ARID2: variants seen among roughly 807,000 people sequenced by gnomAD.
ARID2 encodes the protein AT-rich interactive domain-containing protein 2.
ARID2 carries 32 observed loss-of-function variants against 184.6 expected under a neutral mutation model. That is an observed-to-expected ratio of 0.17 (90% CI 0.13 to 0.23). ARID2 has a LOEUF of 0.23. Ranked by LOEUF, ARID2 falls within the 10% of genes least tolerant of loss-of-function variation. The pLI is 1.00. For missense variants in ARID2, 1,696 were observed against 2,197.6 expected (o/e 0.77, Z 4.56); for synonymous variants, 836 against 772.6 (o/e 1.08, Z -1.36).
intron 3 of ARID2, among the ~76,000 whole-genome samples, chr12:45,751,524 C>T (rs1325283952): frequency 1.3e-5 from 2 of 152,140 alleles, no homozygotes; most frequent in South Asian, 2.1e-4. Flanking sequence ...GTTGCATGCT[C>T]AAGGGTAGAA....
chr12:45,851,184 C>A lies in ARID2; in HGVS notation c.3061C>A (p.Pro1021Thr), dbSNP rs1385086744. Residue 1021 changes from proline (P) to threonine (T), a missense_variant, in exon 15 of 21, where the codon CCC (proline) becomes ACC (threonine). Coordinates refer to ENST00000334344, the MANE Select transcript of ARID2 (RefSeq NM_152641.4). ...GCAACAGCAGCAACATTCACCAGCA[C>A]CCCCACCACAGCAGGTACAAGTACA... ...RQQQQQHSPA[P>T]PPQQVQVQVQ... 2 of 1,614,124 alleles carry A rather than the reference C, an allele frequency of 1.2e-6. No individual in the cohort carries two copies. The highest frequency in any genetic ancestry group is 2.2e-5 in the South Asian group (2 of 91,078).
intron 3 of ARID2, among the ~76,000 whole-genome samples, chr12:45,806,177 A>G (rs192706556): frequency 3.8e-3 from 574 of 151,946 alleles, no homozygotes; most frequent in Non-Finnish European, 6.8e-3. Context: ...GAGAGAAATC[A>G]GAGCCTGATT....
At chr12:45,737,408 G>C (rs925272776) in intron 3 of ARID2, among the ~76,000 whole-genome samples, 2 of 150,818 alleles carry the variant, frequency 1.3e-5, no homozygotes, top group East Asian at 3.9e-4. Flanking sequence ...GGGTCAATTT[G>C]TTCTTTAGAC....
At chr12:45,778,077 G>C (rs1257398459) in intron 3 of ARID2, among the ~76,000 whole-genome samples, 1 of 152,026 alleles carries the variant, frequency 6.6e-6, no homozygotes, top group Non-Finnish European at 1.5e-5. Context: ...GTGGTGGCAG[G>C]CGCCCATAAT....
At chr12:45,741,029 T>C (rs2193749) in intron 3 of ARID2, among the ~76,000 whole-genome samples, 93,529 of 151,972 alleles carry the variant, frequency 0.62, 30,839 homozygotes, top group African/African-American at 0.87. Context: ...ATGAAACTAT[T>C]TTGCTTACCA....
chr12:45,730,545 CAG>C (rs1257735761), intron 2 of ARID2, among the ~76,000 whole-genome samples: 1 of 151,930 alleles, frequency 6.6e-6, no homozygotes, highest in Non-Finnish European at 1.5e-5. Flanking sequence ...CGGAGACACA[CAG>C]AGACACACAG....
chr12:45,785,795 G>T (rs1942186502), intron 3 of ARID2, among the ~76,000 whole-genome samples: 1 of 152,032 alleles, frequency 6.6e-6, no homozygotes, highest in Admixed American at 6.6e-5. Flanking sequence ...TTTGGATAAG[G>T]AATACTCAAC....
At chr12:45,840,021 C>G (rs527498082) in intron 11 of ARID2, 1 of 152,832 alleles carries the variant, frequency 6.5e-6, no homozygotes, top group East Asian at 1.9e-4. Flanking sequence ...TTCCTAGTGT[C>G]TCTTAGCTCA....
chr12:45,893,978 C>T, intron 20 of ARID2: 1 of 265,084 alleles, frequency 3.8e-6, no homozygotes, highest in Non-Finnish European at 7.0e-6. Flanking sequence ...TAATTTAGAA[C>T]AAAAAGCAGC....
chr12:45,879,633 G>A (rs1944068880), intron 16 of ARID2, among the ~76,000 whole-genome samples: 1 of 152,182 alleles, frequency 6.6e-6, no homozygotes, highest in Non-Finnish European at 1.5e-5. Context: ...TTCTCTGACA[G>A]ATCCAGGAGG....
intron 3 of ARID2, among the ~76,000 whole-genome samples, chr12:45,754,814 T>G (rs1372056259): frequency 2.6e-5 from 4 of 152,236 alleles, no homozygotes; most frequent in Non-Finnish European, 5.9e-5. Context: ...AACACAATAC[T>G]AATTAGTGCA....
chr12:45,781,719 G>A (rs1296439702), intron 3 of ARID2, among the ~76,000 whole-genome samples: 3 of 152,100 alleles, frequency 2.0e-5, no homozygotes, highest in Non-Finnish European at 2.9e-5. Context: ...TGTAAGATAT[G>A]GATAGGTTTG....
chr12:45,805,768 G>C (rs944072121), intron 3 of ARID2, among the ~76,000 whole-genome samples: 6 of 151,918 alleles, frequency 3.9e-5, no homozygotes, highest in Admixed American at 2.0e-4. Context: ...TTTTTGTTTT[G>C]TGGTGAGAAC....
chr12:45,762,693 A>G (rs1180373236), intron 3 of ARID2, among the ~76,000 whole-genome samples: 2 of 152,204 alleles, frequency 1.3e-5, no homozygotes, highest in Non-Finnish European at 2.9e-5. Context: ...ATTCATAGGA[A>G]TAAGCCAGCA....
chr12:45,906,196 G>A lies in ARID2; in HGVS notation c.*1118G>A, dbSNP rs1944529093. 1 of 232,494 alleles carries A rather than the reference G, an allele frequency of 4.3e-6. No individual in the cohort carries two copies. The highest frequency in any genetic ancestry group is 6.1e-5 in the East Asian group (1 of 16,330). The allele number at this position is 232,494 out of a possible 1,614,324, so 14.4% of individuals were successfully genotyped here. A position where few individuals can be genotyped will look rare whatever the true frequency, so the allele number is the denominator to read the frequency against. On this transcript the variant is annotated 3_prime_UTR_variant, in exon 21 of 21. Coordinates refer to ENST00000334344, the MANE Select transcript of ARID2 (RefSeq NM_152641.4). ...ACAGGTTTTCTCCTGTGTTATATAT[G>A]CATTATGTGCAGGTATGATATTTTC... is the stretch of plus-strand genomic sequence containing the variant.
At chr12:45,835,607 T>A (rs2138122985) in intron 6 of ARID2, among the ~76,000 whole-genome samples, 1 of 152,188 alleles carries the variant, frequency 6.6e-6, no homozygotes, top group South Asian at 2.1e-4. Flanking sequence ...TCTAAAGAAA[T>A]GTCAGATTTC....
In ARID2 at chr12:45,743,953, C is replaced by A. The variant is rs76238283; in HGVS notation, c.284+12639C>A. 1.3e-3 allele frequency among the ~76,000 whole-genome samples: 197 copies of A among 152,050 alleles called. 1 individual carries two copies. Among genetic ancestry groups the A allele is most frequent in the African/African-American group, 4.5e-3 (187 of 41,482 alleles). On this transcript the variant is annotated intron_variant, in intron 3 of 20. Coordinates refer to ENST00000334344, the MANE Select transcript of ARID2 (RefSeq NM_152641.4). ...GCTGTTGAACTTTTATATTTTCTAA[C>A]CTGCTGCCTTACTAAATTGTTTTAT...
At position 45,907,387 on chromosome 12, in the gene ARID2, A is replaced by T. The variant is rs1181324424; in HGVS notation, c.*2309A>T. ...AGAGAACAAACTGCAGGTTTAGAAAAATGGTTTTCATATTCACCATTCTTC... is the reference window on the plus strand; with the variant it reads ...AGAGAACAAACTGCAGGTTTAGAAATATGGTTTTCATATTCACCATTCTTC... On this transcript the variant is annotated 3_prime_UTR_variant, in exon 21 of 21. Coordinates refer to ENST00000334344, the MANE Select transcript of ARID2 (RefSeq NM_152641.4). 1 of 233,292 alleles carries T rather than the reference A, an allele frequency of 4.3e-6. No individual in the cohort carries two copies. The highest frequency in any genetic ancestry group is 8.5e-6 in the Non-Finnish European group (1 of 117,920). The allele number at this position is 233,292 out of a possible 1,614,324, so 14.5% of individuals were successfully genotyped here.
intron 3 of ARID2, among the ~76,000 whole-genome samples, chr12:45,808,953 A>G (rs1297771346): frequency 2.0e-5 from 3 of 152,012 alleles, no homozygotes; most frequent in Admixed American, 2.0e-4. Context: ...CTTAGTAGAG[A>G]TGGCGTTTTG....
Sources: gnomAD v4.1 joint callset for allele counts (sites outside exome capture counted in the v4.1 genomes callset) on GRCh38, gnomAD v4.1.1 for gene constraint, MANE v1.5 for transcripts, NCBI Gene and HGNC (gene_info 2026-07-23, HGNC 2026-07-21) for gene names.